The following WDTC1 variants were observed in gnomAD, a reference collection of about 807,000 sequenced individuals.
WDTC1 encodes WD and tetratricopeptide repeats protein 1.
WDTC1 carries 12 observed loss-of-function variants against 76.0 expected under a neutral mutation model. That is an observed-to-expected ratio of 0.16 (90% CI 0.10 to 0.26). WDTC1 has a LOEUF of 0.26. Among genes scored for constraint, WDTC1 ranks in the 10% least tolerant of loss-of-function variants. WDTC1 has a pLI of 1.00. For synonymous variants in WDTC1, 326 were observed against 350.8 expected, an observed-to-expected ratio of 0.93 and a Z score of 0.79; for missense variants, 511 against 908.8, an observed-to-expected ratio of 0.56 and a Z score of 5.63.
chr1:27,292,618 G>A (rs962991395), intron 7 of WDTC1, among the ~76,000 whole-genome samples: 20 of 151,978 alleles, frequency 1.3e-4, no homozygotes, highest in African/African-American at 3.9e-4. Context: ...TTATAGGGGC[G>A]GGGTCTTTCC....
intron 3 of WDTC1, among the ~76,000 whole-genome samples, chr1:27,280,251 A>AG (rs1226359656): frequency 6.6e-6 from 1 of 152,226 alleles, no homozygotes; most frequent in Non-Finnish European, 1.5e-5. Context: ...GGCACACTAA[A>AG]ATTTGAGAAA....
At chr1:27,282,970 T>G (rs1167461726) in intron 4 of WDTC1, among the ~76,000 whole-genome samples, 1 of 151,432 alleles carries the variant, frequency 6.6e-6, no homozygotes, top group African/African-American at 2.4e-5. Flanking sequence ...AAACCCCGTC[T>G]CTACAAAAAA....
At chr1:27,289,756 G>T (rs1029329608) in intron 6 of WDTC1, among the ~76,000 whole-genome samples, 2 of 152,022 alleles carry the variant, frequency 1.3e-5, no homozygotes, top group African/African-American at 4.8e-5. Context: ...GCCGAGGCTG[G>T]CGGATCACTC....
rs2013958758 is a variant in WDTC1 at position 27,306,479 on chromosome 1, A to C, written c.*96A>C. ...TCTGTTTTGGTTTGTCTTCCCCACC[A>C]CCCTTTTTTTTCATTTCCCCTGTTT... On this transcript the variant is annotated 3_prime_UTR_variant, in exon 16 of 16. Coordinates refer to ENST00000319394, the MANE Select transcript of WDTC1 (RefSeq NM_001276252.2). The surrounding 1 kb of genome is among the most constrained non-coding windows in gnomAD (Gnocchi z 5.0). 1.5e-6 allele frequency: 2 copies of C among 1,379,168 alleles called. No homozygotes were observed. Among genetic ancestry groups the C allele is most frequent in the Admixed American group, 2.7e-5 (1 of 37,708 alleles). 85.4% of individuals were successfully genotyped at this position (1,379,168 alleles called of 1,614,324 possible).
chr1:27,234,981 G>A (rs1374317912), intron 1 of WDTC1, 30 bp downstream of exon 1: 2 of 384,860 alleles, frequency 5.2e-6, no homozygotes, highest in Admixed American at 9.0e-5. Flanking sequence ...CCTGCCCTCC[G>A]CGGGCGCCGA....
In WDTC1 at chr1:27,296,441, G is replaced by A. The variant is rs779027756; in HGVS notation, c.949+40G>A. On this transcript the variant is annotated intron_variant, in intron 10 of 15. Transcript: ENST00000319394. ...AGGGTATCTCTACTGCGGCGGTGTA[G>A]GGGAGCTTAAGTGCATGCTACACCT... The A allele has an allele frequency of 4.1e-5, 66 of 1,609,212 alleles. No individual in the cohort carries two copies. The Admixed American group carries it at 1.1e-3, about 26-fold the overall frequency.
rs571143661 is a variant in WDTC1 at position 27,296,235 on chromosome 1, C to G, written c.874-91C>G. On this transcript the variant is annotated intron_variant, in intron 9 of 15. Transcript: ENST00000319394. Reference sequence around the variant, plus strand: ...TCAACACTCACTGTGTTCCAAGACTCTAGTTCTTGAGAAACCAAGACCTGC... The same window carrying G: ...TCAACACTCACTGTGTTCCAAGACTGTAGTTCTTGAGAAACCAAGACCTGC... 5 of 1,432,396 alleles carry G rather than the reference C, an allele frequency of 3.5e-6. No homozygotes were observed. The African/African-American group carries it at 5.6e-5, about 16-fold the overall frequency. The allele number at this position is 1,432,396 out of a possible 1,614,324, so 88.7% of individuals were successfully genotyped here.
intron 6 of WDTC1, among the ~76,000 whole-genome samples, chr1:27,289,189 CGGCT>C (rs2013447566): frequency 7.2e-6 from 1 of 138,878 alleles, no homozygotes; most frequent in Non-Finnish European, 1.6e-5. Flanking sequence ...CCGGACGGGG[CGGCT>C]GGCCGGGCAG....
rs773117988 is a variant in WDTC1, at chr1:27,296,308, TG to T, written c.874-17del. The T allele has an allele frequency of 6.2e-7, 1 of 1,614,078 alleles. No homozygotes were observed. The highest frequency in any genetic ancestry group is 8.5e-7 in the Non-Finnish European group (1 of 1,179,994). ...ACCTCACAGCTTCCATCTCTTTTTT[TG>T]CCCCCCTCAACTCTAGGTCTATTTG... is the stretch of plus-strand genomic sequence containing the variant. On this transcript the variant is annotated splice_polypyrimidine_tract_variant and intron_variant, in intron 9 of 15. Transcript: ENST00000319394.
intron 6 of WDTC1, among the ~76,000 whole-genome samples, chr1:27,290,700 C>T (rs1046418456): frequency 6.6e-6 from 1 of 152,208 alleles, no homozygotes; most frequent in Non-Finnish European, 1.5e-5. Flanking sequence ...TAACTCCTTT[C>T]TTCAGCTGTG....
chr1:27,283,016 TAGTCCC>T (rs1287031944), intron 4 of WDTC1, among the ~76,000 whole-genome samples: 4 of 151,474 alleles, frequency 2.6e-5, no homozygotes, highest in Admixed American at 2.0e-4. Flanking sequence ...CGGGCGCCTG[TAGTCCC>T]AGCTACTCAG....
At chr1:27,285,105 T>G (rs1251781791) in intron 5 of WDTC1, among the ~76,000 whole-genome samples, 1 of 150,510 alleles carries the variant, frequency 6.6e-6, no homozygotes, top group Non-Finnish European at 1.5e-5. Flanking sequence ...TGGCACAATC[T>G]TGGCTCACTG....
At chr1:27,246,345 C>T (rs1289168309) in intron 1 of WDTC1, among the ~76,000 whole-genome samples, 2 of 152,162 alleles carry the variant, frequency 1.3e-5, no homozygotes, top group Non-Finnish European at 2.9e-5. Context: ...TGACTGGCTT[C>T]CTTCACTTAG....
chr1:27,237,575 C>T (rs779455885), intron 1 of WDTC1, among the ~76,000 whole-genome samples: 7 of 151,996 alleles, frequency 4.6e-5, no homozygotes, highest in African/African-American at 1.4e-4. Flanking sequence ...CCTGGCTGAG[C>T]GCGGTGGCTC....
At chr1:27,257,507 G>A (rs772799391) in intron 1 of WDTC1, among the ~76,000 whole-genome samples, 3 of 152,124 alleles carry the variant, frequency 2.0e-5, no homozygotes, top group Non-Finnish European at 2.9e-5. Context: ...AATTACTGTT[G>A]TTGTTTGGCT....
Position 27,266,685 on chromosome 1 carries a change from C to T in WDTC1, c.132+3450C>T, listed in dbSNP as rs577735805. ...TTAAAACTTCTTCAGTCATTTCTTTCCCTGTTTTATTTCCATCATTGTCAC... is the reference window on the plus strand; with the variant it reads ...TTAAAACTTCTTCAGTCATTTCTTTTCCTGTTTTATTTCCATCATTGTCAC... On this transcript the variant is annotated intron_variant, in intron 3 of 15. Transcript: ENST00000319394. Among the ~76,000 whole-genome samples the T allele has an allele frequency of 2.2e-4, 34 of 152,286 alleles. No homozygotes were observed. The South Asian group carries it at 6.8e-3, about 31-fold the overall frequency.
intron 1 of WDTC1, among the ~76,000 whole-genome samples, chr1:27,239,019 T>A (rs895021089): frequency 1.8e-4 from 18 of 102,516 alleles, no homozygotes; most frequent in South Asian, 6.2e-4. Flanking sequence ...TTTTTTTTTT[T>A]ATGAGACAGG....
At chr1:27,244,438 C>T (rs1401756018) in intron 1 of WDTC1, among the ~76,000 whole-genome samples, 4 of 152,140 alleles carry the variant, frequency 2.6e-5, no homozygotes, top group Non-Finnish European at 4.4e-5. Context: ...TCAAGCAATT[C>T]TCCCTCCTCC....
intron 1 of WDTC1, among the ~76,000 whole-genome samples, chr1:27,248,558 A>G (rs1570939985): frequency 6.6e-6 from 1 of 152,070 alleles, no homozygotes; most frequent in East Asian, 1.9e-4. Context: ...CCTTTGTCAG[A>G]TGCATAGTTT....
Sources: allele counts gnomAD v4.1 joint callset (sites outside exome capture counted in the v4.1 genomes callset), GRCh38; gene constraint gnomAD v4.1.1; non-coding constraint Gnocchi (gnomAD v3.1); transcripts MANE v1.5; gene names NCBI Gene and HGNC (gene_info 2026-07-23, HGNC 2026-07-21).